Variants in MIPOL1 observed in about 807,000 individuals in gnomAD.
MIPOL1 encodes mirror-image polydactyly gene 1 protein.
Under a neutral mutation model 60.9 loss-of-function variants are expected in MIPOL1, and 57 were observed. The ratio of observed to expected loss-of-function variants is 0.94; its 90% CI spans 0.76 to 1.17. MIPOL1 has a LOEUF of 1.17. Among genes scored for constraint, MIPOL1 ranks in the 50% most tolerant of loss-of-function variants. MIPOL1 has a pLI of 0.00. For missense variants in MIPOL1, 551 were observed against 511.6 expected, an observed-to-expected ratio of 1.08 and a Z score of -0.74; for synonymous variants, 179 against 168.8, an observed-to-expected ratio of 1.06 and a Z score of -0.47.
intron 9 of MIPOL1, among the ~76,000 whole-genome samples, chr14:37,357,551 T>C (rs1256475905): frequency 6.6e-6 from 1 of 152,224 alleles, no homozygotes; most frequent in Non-Finnish European, 1.5e-5. Flanking sequence ...CATTTGTATG[T>C]CATCTTTTGA....
At chr14:37,273,295 A>G (rs2153394972) in intron 6 of MIPOL1, among the ~76,000 whole-genome samples, 1 of 150,970 alleles carries the variant, frequency 6.6e-6, no homozygotes, top group African/African-American at 2.4e-5. Context: ...TTTTTCAGTG[A>G]ACAGTTTCTG....
chr14:37,490,275 C>T (rs1160854435), intron 11 of MIPOL1, among the ~76,000 whole-genome samples: 2 of 152,146 alleles, frequency 1.3e-5, no homozygotes, highest in Admixed American at 6.5e-5. Context: ...CCTACTCAAG[C>T]CTCGGCAATG....
chr14:37,277,474 C>A (rs1000709590), intron 6 of MIPOL1: 2 of 151,220 alleles, frequency 1.3e-5, no homozygotes, highest in African/African-American at 4.8e-5. Context: ...TATATTAAAT[C>A]TTTGAATGTA....
At chr14:37,437,413 A>C (rs1566603708) in intron 11 of MIPOL1, among the ~76,000 whole-genome samples, 1 of 152,150 alleles carries the variant, frequency 6.6e-6, no homozygotes, top group Non-Finnish European at 1.5e-5. Context: ...TAAAAAATAA[A>C]AATTTTTGAA....
intron 1 of MIPOL1, among the ~76,000 whole-genome samples, chr14:37,206,732 C>T (rs1276442940): frequency 6.6e-6 from 1 of 152,226 alleles, no homozygotes; most frequent in Non-Finnish European, 1.5e-5. Context: ...CCACCTCTTG[C>T]ATCAGTGTGA....
intron 12 of MIPOL1, among the ~76,000 whole-genome samples, chr14:37,516,983 T>C (rs1459287008): frequency 6.6e-6 from 1 of 152,196 alleles, no homozygotes; most frequent in Non-Finnish European, 1.5e-5. Flanking sequence ...CTAATACTTT[T>C]ATCTAGAAAG....
chr14:37,209,668 A>G (rs1445296602), intron 1 of MIPOL1, among the ~76,000 whole-genome samples: 2 of 152,104 alleles, frequency 1.3e-5, no homozygotes, highest in East Asian at 1.9e-4. Flanking sequence ...TCAAAACAGA[A>G]AAGAAAAGAA....
chr14:37,329,120 G>A (rs1047039973), intron 9 of MIPOL1, among the ~76,000 whole-genome samples: 3 of 151,956 alleles, frequency 2.0e-5, no homozygotes, highest in African/African-American at 4.8e-5. Flanking sequence ...GTTGACTTTA[G>A]GGAGTTGAAT....
chr14:37,472,289 G>A (rs1048342515), intron 11 of MIPOL1, among the ~76,000 whole-genome samples: 2 of 152,126 alleles, frequency 1.3e-5, no homozygotes, highest in Non-Finnish European at 2.9e-5. Context: ...TTGGCCCTAT[G>A]TAAGAACAAT....
intron 9 of MIPOL1, among the ~76,000 whole-genome samples, chr14:37,358,651 G>T (rs1318041793): frequency 6.6e-6 from 1 of 152,106 alleles, no homozygotes; most frequent in Non-Finnish European, 1.5e-5. Flanking sequence ...AGAAGTGTCT[G>T]TTAATACCCT....
rs753425570 is a variant in MIPOL1, at chr14:37,514,623, C to CT, written c.1262+14499dup. 9.7e-3 allele frequency among the ~76,000 whole-genome samples: 1,396 copies of CT among 143,784 alleles called. 6 individuals carry two copies. The highest frequency in any genetic ancestry group is 0.014 in the Middle Eastern group (4 of 286). 94.3% of individuals were successfully genotyped at this position (143,784 alleles called of 152,430 possible). On this transcript the variant is annotated intron_variant, in intron 12 of 12. Transcript: ENST00000684589. ...TACTGGTTAATATAGAAAATATACA[C>CT]TTTTTTTTTTTTTTGGAGACGGAGT...
chr14:37,275,095 G>A (rs2083553391), intron 6 of MIPOL1, among the ~76,000 whole-genome samples: 2 of 150,906 alleles, frequency 1.3e-5, no homozygotes, highest in African/African-American at 4.8e-5. Context: ...TATTTCAAAA[G>A]TGTGCAAATA....
At chr14:37,293,156 C>T (rs1016341793) in intron 7 of MIPOL1, among the ~76,000 whole-genome samples, 2 of 151,868 alleles carry the variant, frequency 1.3e-5, no homozygotes, top group Non-Finnish European at 2.9e-5. Context: ...TCTTACTTTT[C>T]TCTGGGCTGT....
chr14:37,521,536 CT>C (rs1484842192), intron 12 of MIPOL1, among the ~76,000 whole-genome samples: 3 of 151,990 alleles, frequency 2.0e-5, no homozygotes, highest in Non-Finnish European at 4.4e-5. Flanking sequence ...ATACTTTCTG[CT>C]TGCTTTACTT....
chr14:37,240,412 C>T (rs574514130), intron 1 of MIPOL1: 5 of 152,250 alleles, frequency 3.3e-5, no homozygotes, highest in African/African-American at 9.6e-5. Context: ...ATAAATTTAG[C>T]TTACTCTAAT....
chr14:37,235,839 T>C (rs1971380419), intron 1 of MIPOL1, among the ~76,000 whole-genome samples: 1 of 152,082 alleles, frequency 6.6e-6, no homozygotes, highest in Admixed American at 6.5e-5. Context: ...AATCATAAAG[T>C]AGTTGTCCTT....
At chr14:37,276,781 T>A (rs1391875062) in intron 6 of MIPOL1, 14 of 151,280 alleles carry the variant, frequency 9.3e-5, no homozygotes. Context: ...AATTTATATT[T>A]GTATTTTTTT....
intron 9 of MIPOL1, among the ~76,000 whole-genome samples, chr14:37,361,572 C>A (rs1478853704): frequency 6.9e-6 from 1 of 144,934 alleles, no homozygotes; most frequent in African/African-American, 2.5e-5. Flanking sequence ...GTTCCCTTTA[C>A]CATTATGTGA....
intron 3 of MIPOL1, among the ~76,000 whole-genome samples, chr14:37,251,051 A>C (rs1327954992): frequency 6.6e-6 from 1 of 151,898 alleles, no homozygotes; most frequent in Non-Finnish European, 1.5e-5. Flanking sequence ...AAATAAACCC[A>C]AGTTTTTTTT....
Sources: gnomAD v4.1 joint callset for allele counts (sites outside exome capture counted in the v4.1 genomes callset) on GRCh38, gnomAD v4.1.1 for gene constraint, MANE v1.5 for transcripts, NCBI Gene and HGNC (gene_info 2026-07-23, HGNC 2026-07-21) for gene names.